GRIK1: variants seen among roughly 807,000 people sequenced by gnomAD.
GRIK1 encodes the protein glutamate receptor ionotropic, kainate 1.
Under a neutral mutation model 105.7 loss-of-function variants are expected in GRIK1, and 69 were observed. That is an observed-to-expected ratio of 0.65 (90% CI 0.54 to 0.80). The LOEUF is 0.80. Among genes scored for constraint, GRIK1 ranks in the 30% least tolerant of loss-of-function variants. GRIK1 has a pLI of 0.00. For synonymous variants in GRIK1, 438 were observed against 431.3 expected (o/e 1.02, Z -0.19); for missense variants, 1,109 against 1,167.3 (o/e 0.95, Z 0.73).
At chr21:29,709,278 C>CTTTTTTTTTTTTTT (rs35378548) in intron 1 of GRIK1, among the ~76,000 whole-genome samples, 1 of 127,906 alleles carries the variant, frequency 7.8e-6, no homozygotes, top group Non-Finnish European at 1.7e-5. Flanking sequence ...TACTCTTCTT[C>CTTTTTTTTTTTTTT]TTTTTTTTTT....
At chr21:29,666,758 A>G (rs1236058825) in intron 4 of GRIK1, among the ~76,000 whole-genome samples, 2 of 152,256 alleles carry the variant, frequency 1.3e-5, no homozygotes. Flanking sequence ...AAAATGAAAC[A>G]CCTTCGTTCA....
chr21:29,834,970 G>C (rs139383155), intron 1 of GRIK1, among the ~76,000 whole-genome samples: 6 of 151,586 alleles, frequency 4.0e-5, no homozygotes, highest in African/African-American at 1.5e-4. Context: ...TTTAGCACAG[G>C]TTTGGCTCTT....
At chr21:29,914,958 A>G (rs1240932048) in intron 1 of GRIK1, among the ~76,000 whole-genome samples, 1 of 152,038 alleles carries the variant, frequency 6.6e-6, no homozygotes, top group Non-Finnish European at 1.5e-5. Context: ...AGCCACTTTC[A>G]TTTGAATTAT....
intron 7 of GRIK1, among the ~76,000 whole-genome samples, chr21:29,638,418 A>G (rs538595057): frequency 1.3e-5 from 2 of 152,256 alleles, no homozygotes; most frequent in South Asian, 4.1e-4. Flanking sequence ...CTTGGAGATT[A>G]TGGGTACCCC....
rs1231496706 is a variant in GRIK1, at chr21:29,654,832, T to C, written c.758A>G (p.Tyr253Cys). The C allele has an allele frequency of 6.3e-7, 1 of 1,585,838 alleles. No individual in the cohort carries two copies. The highest frequency in any genetic ancestry group is 8.7e-7 in the Non-Finnish European group (1 of 1,154,208). Residue 253 changes from tyrosine (Y) to cysteine (C), a missense_variant, in exon 5 of 18, where the codon TAT becomes TGT. By Grantham distance (194) the Tyr-to-Cys change is radical. Around this residue, in one of 5 missense-constraint regions of GRIK1, gnomAD observed 612 missense variants for 586.0 expected, o/e 1.04. Transcript: ENST00000327783. ...ILFMGMMTEY[Y>C]HYFFTTLDLF... ...TACCAGGGTTGTGAAAAAGTAGTGA[T>C]AGTACTCGGTCATCATGCCCATGAA...
rs73348582 is a variant in GRIK1, at chr21:29,592,222, G to A, written c.1252-997C>T. Among the ~76,000 whole-genome samples, 1,441 of 152,210 alleles carry A rather than the reference G, an allele frequency of 9.5e-3. 27 individuals carry two copies. The highest frequency in any genetic ancestry group is 0.032 in the African/African-American group (1,334 of 41,538). On this transcript the variant is annotated intron_variant, in intron 9 of 17. Coordinates refer to ENST00000327783, the MANE Select transcript of GRIK1 (RefSeq NM_001330994.2). ...TCATATCTCTGTCACAGCAGCTAGCGTCTTCTGTTATTATTTATCTGTTTA... is the reference window on the plus strand; with the variant it reads ...TCATATCTCTGTCACAGCAGCTAGCATCTTCTGTTATTATTTATCTGTTTA...
At chr21:29,759,912 C>T (rs1357065328) in intron 1 of GRIK1, 1 of 152,186 alleles carries the variant, frequency 6.6e-6, no homozygotes, top group Non-Finnish European at 1.5e-5. Context: ...CAATGAGCCC[C>T]AAACCATAAT....
At chr21:29,571,582 A>G (rs2090751636) in intron 14 of GRIK1, among the ~76,000 whole-genome samples, 1 of 152,172 alleles carries the variant, frequency 6.6e-6, no homozygotes, top group Non-Finnish European at 1.5e-5. Flanking sequence ...TTAGCGAGCA[A>G]CTTCTGGGCA....
intron 7 of GRIK1, among the ~76,000 whole-genome samples, chr21:29,610,947 A>G (rs751689637): frequency 1.3e-5 from 2 of 152,214 alleles, no homozygotes; most frequent in Non-Finnish European, 2.9e-5. Context: ...ATGGTCAATG[A>G]ACATCTTGCA....
chr21:29,830,790 A>G lies in GRIK1; in HGVS notation c.118+108593T>C, dbSNP rs113059734. ...TTACAAGTTTGTAAATACTGATCAG[A>G]ACATGATTATTTATGCTACTGGCCA... On this transcript the variant is annotated intron_variant, in intron 1 of 17. Transcript: ENST00000327783. Among the ~76,000 whole-genome samples, 739 of 152,276 alleles carry G rather than the reference A, an allele frequency of 4.9e-3. 5 individuals carry two copies. The highest frequency in any genetic ancestry group is 0.016 in the African/African-American group (685 of 41,562).
chr21:29,717,831 G>A (rs901118058), intron 1 of GRIK1, among the ~76,000 whole-genome samples: 1 of 152,176 alleles, frequency 6.6e-6, no homozygotes, highest in Admixed American at 6.5e-5. Context: ...TTTGGGAGGG[G>A]CAAAGGGCTG....
At chr21:29,837,441 A>G (rs192212154) in intron 1 of GRIK1, among the ~76,000 whole-genome samples, 4 of 152,314 alleles carry the variant, frequency 2.6e-5, no homozygotes, top group African/African-American at 7.2e-5. Flanking sequence ...CTCATTGTGA[A>G]TATAATAAAT....
intron 1 of GRIK1, among the ~76,000 whole-genome samples, chr21:29,756,983 G>A (rs1442656127): frequency 6.6e-6 from 1 of 152,040 alleles, no homozygotes; most frequent in Non-Finnish European, 1.5e-5. Context: ...TGGGTGTGGT[G>A]GCAGGTGCCT....
At chr21:29,676,813 G>A (rs2063277069) in intron 3 of GRIK1, among the ~76,000 whole-genome samples, 1 of 152,172 alleles carries the variant, frequency 6.6e-6, no homozygotes, top group Non-Finnish European at 1.5e-5. Flanking sequence ...TATGGCAAAA[G>A]AAGGCTGAAT....
In GRIK1 at chr21:29,549,692, A is replaced by G. The variant is rs548820470; in HGVS notation, c.2607+5360T>C. Reference sequence around the variant, plus strand: ...GAAAAAAAAATTGTTTTCCTTTCATATTCAAGTCTTTTGTTCTACAGTTCG... The same window carrying G: ...GAAAAAAAAATTGTTTTCCTTTCATGTTCAAGTCTTTTGTTCTACAGTTCG... On this transcript the variant is annotated intron_variant, in intron 16 of 17. Transcript: ENST00000327783. Among the ~76,000 whole-genome samples, 9 of 152,164 alleles carry G rather than the reference A, an allele frequency of 5.9e-5. No individual in the cohort carries two copies. In the East Asian group the frequency reaches 1.7e-3, roughly 29 times the overall value.
chr21:29,712,429 C>T (rs1204214730), intron 1 of GRIK1, among the ~76,000 whole-genome samples: 1 of 151,842 alleles, frequency 6.6e-6, no homozygotes, highest in Non-Finnish European at 1.5e-5. Context: ...AGAATATGTT[C>T]CTTTTTAAGG....
intron 1 of GRIK1, among the ~76,000 whole-genome samples, chr21:29,883,920 G>A (rs1467676642): frequency 6.6e-6 from 1 of 151,968 alleles, no homozygotes; most frequent in South Asian, 2.1e-4. Flanking sequence ...AACCCGACAG[G>A]CTTCAACAGG....
chr21:29,834,509 A>C (rs1235342590), intron 1 of GRIK1, among the ~76,000 whole-genome samples: 1 of 151,052 alleles, frequency 6.6e-6, no homozygotes, highest in African/African-American at 2.4e-5. Context: ...CTTCTTGGTC[A>C]TTCTTCTGTT....
chr21:29,681,749 G>A (rs1038249104), intron 3 of GRIK1, among the ~76,000 whole-genome samples: 5 of 152,188 alleles, frequency 3.3e-5, no homozygotes, highest in African/African-American at 1.2e-4. Flanking sequence ...GAAGTCAGTG[G>A]GTTCTATCTG....
Sources: gnomAD v4.1 joint callset for allele counts (sites outside exome capture counted in the v4.1 genomes callset) on GRCh38, gnomAD v4.1.1 for gene constraint, gnomAD v4.1.1 regional missense constraint, MANE v1.5 for transcripts, NCBI Gene and HGNC (gene_info 2026-07-23, HGNC 2026-07-21) for gene names.